GLCCI1: variants seen among roughly 807,000 people sequenced by gnomAD.
GLCCI1 encodes glucocorticoid induced 1, also known as glucocorticoid-induced transcript 1 protein.
Under a neutral mutation model 52.2 loss-of-function variants are expected in GLCCI1, and 24 were observed. That is an observed-to-expected ratio of 0.46 (90% confidence interval 0.33 to 0.65). The LOEUF (loss-of-function observed/expected upper bound fraction) is 0.65. Ranked by LOEUF, GLCCI1 falls within the 30% of genes least tolerant of loss-of-function variation. The pLI is 0.02. For missense variants in GLCCI1, 704 were observed against 701.5 expected, an observed-to-expected ratio of 1.00 and a Z score of -0.04; for synonymous variants, 310 against 276.5, an observed-to-expected ratio of 1.12 and a Z score of -1.20.
chr7:7,995,370 C>T (rs933275358), intron 1 of GLCCI1, among the ~76,000 whole-genome samples: 15 of 151,954 alleles, frequency 9.9e-5, no homozygotes, highest in East Asian at 1.9e-4. Flanking sequence ...ATTAGCTGGG[C>T]GTGGTAGCAT....
chr7:8,046,589 A>G (rs1398922846), intron 3 of GLCCI1, among the ~76,000 whole-genome samples: 2 of 152,158 alleles, frequency 1.3e-5, no homozygotes, highest in East Asian at 3.8e-4. Flanking sequence ...ATTGATAATA[A>G]CTCAGCCATT....
chr7:8,040,482 C>G (rs572060187), intron 3 of GLCCI1, among the ~76,000 whole-genome samples: 17 of 145,322 alleles, frequency 1.2e-4, no homozygotes, highest in Admixed American at 4.9e-4. Flanking sequence ...AGAGCAAGAC[C>G]CTGACTCAAA....
chr7:8,081,687 T>G (rs1442482651), intron 6 of GLCCI1, among the ~76,000 whole-genome samples: 1 of 152,216 alleles, frequency 6.6e-6, no homozygotes, highest in Non-Finnish European at 1.5e-5. Context: ...ATTCCAAACT[T>G]GAATAACTTC....
intron 1 of GLCCI1, among the ~76,000 whole-genome samples, chr7:7,974,917 A>G (rs1230648221): frequency 1.3e-5 from 2 of 152,164 alleles, no homozygotes; most frequent in Admixed American, 1.3e-4. Context: ...GTGTCTAAGA[A>G]GCTAAATCAC....
intron 2 of GLCCI1, among the ~76,000 whole-genome samples, chr7:8,014,007 T>TG (rs398003584): frequency 3.3e-5 from 5 of 151,348 alleles, no homozygotes; most frequent in African/African-American, 4.9e-5. Flanking sequence ...TTTTTTTTTT[T>TG]GAGACGGAGT....
intron 2 of GLCCI1, among the ~76,000 whole-genome samples, chr7:8,011,974 C>T (rs1295783401): frequency 6.6e-6 from 1 of 151,886 alleles, no homozygotes. Flanking sequence ...CGCCACCACG[C>T]CCAGCTAATT....
intron 5 of GLCCI1, among the ~76,000 whole-genome samples, chr7:8,063,818 T>C (rs1212497974): frequency 6.6e-6 from 1 of 151,560 alleles, no homozygotes; most frequent in African/African-American, 2.4e-5. Context: ...CACAAGGTCT[T>C]GCTAATTTGC....
intron 6 of GLCCI1, among the ~76,000 whole-genome samples, chr7:8,071,906 A>AAGTT (rs533945400): frequency 2.0e-5 from 3 of 152,196 alleles, no homozygotes; most frequent in Non-Finnish European, 4.4e-5. Context: ...AAACTATAAA[A>AAGTT]AGTTAGACAG....
intron 1 of GLCCI1, among the ~76,000 whole-genome samples, chr7:7,982,754 G>A (rs1269151134): frequency 6.6e-6 from 1 of 152,026 alleles, no homozygotes; most frequent in African/African-American, 2.4e-5. Context: ...CATAATGTTT[G>A]TTTACTTTTG....
intron 2 of GLCCI1, among the ~76,000 whole-genome samples, chr7:8,017,727 A>G (rs990894486): frequency 6.6e-6 from 1 of 152,190 alleles, no homozygotes; most frequent in African/African-American, 2.4e-5. Context: ...ATAAAAATGC[A>G]GTCTTAACTT....
intron 2 of GLCCI1, 83 bp from the exon 3 acceptor site, chr7:8,022,400 G>A: frequency 1.3e-6 from 1 of 743,110 alleles, no homozygotes; most frequent in Non-Finnish European, 1.9e-6. Flanking sequence ...TAAGTGCTAA[G>A]AATTTTAAAT....
At chr7:8,083,376 TTTTG>T (rs143062514) in intron 6 of GLCCI1, among the ~76,000 whole-genome samples, 8,218 of 152,092 alleles carry the variant, frequency 0.054, 322 homozygotes, top group East Asian at 0.16. Flanking sequence ...ATGTTTGGTT[TTTTG>T]TTTGTTTGTT....
chr7:8,075,956 C>G lies in GLCCI1; in HGVS notation c.1177+4825C>G, dbSNP rs1782868399. Among the ~76,000 whole-genome samples, 3 of 152,208 alleles carry G rather than the reference C, an allele frequency of 2.0e-5. No individual in the cohort carries two copies. In the South Asian group the frequency reaches 6.2e-4, roughly 32 times the overall value. On this transcript the variant is annotated intron_variant, in intron 6 of 7. Coordinates refer to ENST00000223145, the MANE Select transcript of GLCCI1 (RefSeq NM_138426.4). ...CTAAACTTTTAGTGTTAGGACTGAG[C>G]CTCCCTTGGTCTTAGGAGAAAAAAA...
At chr7:8,045,775 G>A (rs10273241) in intron 3 of GLCCI1, among the ~76,000 whole-genome samples, 61,270 of 151,884 alleles carry the variant, frequency 0.4, 12,580 homozygotes, top group Middle Eastern at 0.52. Flanking sequence ...CTACTCTGGA[G>A]CTGTGTAACT....
At chr7:7,976,361 C>G (rs1318389492) in intron 1 of GLCCI1, among the ~76,000 whole-genome samples, 1 of 150,974 alleles carries the variant, frequency 6.6e-6, no homozygotes, top group East Asian at 1.9e-4. Flanking sequence ...CCTCTATAAT[C>G]CCAGTTACTC....
chr7:7,997,712 G>A lies in GLCCI1; in HGVS notation c.458-6196G>A, dbSNP rs188061099. Among the ~76,000 whole-genome samples, 276 of 152,196 alleles carry A rather than the reference G, an allele frequency of 1.8e-3. 1 individual carries two copies. Among genetic ancestry groups the A allele is most frequent in the African/African-American group, 6.3e-3 (262 of 41,530 alleles). On this transcript the variant is annotated intron_variant, in intron 1 of 7. Transcript: ENST00000223145. ...GGAGGCCGAGGCAGGCAGATCACCT[G>A]AGGTCAGGAATTCAAGACCAGCCTG...
intron 3 of GLCCI1, among the ~76,000 whole-genome samples, chr7:8,049,259 T>C (rs754620159): frequency 1.3e-5 from 2 of 152,178 alleles, no homozygotes; most frequent in Non-Finnish European, 2.9e-5. Flanking sequence ...TTAATAAAAC[T>C]ATAGTTTTAC....
chr7:8,056,813 C>G (rs1183646782), intron 4 of GLCCI1, among the ~76,000 whole-genome samples: 1 of 152,052 alleles, frequency 6.6e-6, no homozygotes. Context: ...TGACTAACTG[C>G]AAATACAGTA....
At chr7:8,071,417 T>C (rs969329240) in intron 6 of GLCCI1, among the ~76,000 whole-genome samples, 2 of 152,178 alleles carry the variant, frequency 1.3e-5, no homozygotes, top group African/African-American at 2.4e-5. Flanking sequence ...GTCTTTTCCT[T>C]GGTATTGTCC....
Sources: gnomAD v4.1 joint callset for allele counts (sites outside exome capture counted in the v4.1 genomes callset) on GRCh38, gnomAD v4.1.1 for gene constraint, MANE v1.5 for transcripts, NCBI Gene and HGNC (gene_info 2026-07-23, HGNC 2026-07-21) for gene names.